The following MACROD2 variants were observed in gnomAD, a reference collection of about 807,000 sequenced individuals.
MACROD2 encodes the protein mono-ADP ribosylhydrolase 2.
A neutral mutation model predicts 70.4 loss-of-function variants in MACROD2; 36 were observed. That is an observed-to-expected ratio of 0.51 (90% CI 0.39 to 0.68). MACROD2 has a LOEUF of 0.68. Among genes scored for constraint, MACROD2 ranks in the 30% least tolerant of loss-of-function variants. The pLI is 0.00. For missense variants in MACROD2, 496 were observed against 538.4 expected (o/e 0.92, Z 0.78); for synonymous variants, 172 against 178.8 (o/e 0.96, Z 0.30).
In MACROD2 at chr20:14,226,903, G is replaced by A. The variant is rs2081742160; in HGVS notation, c.271+141175G>A. ...GCTGAGGAGTGCGGGCGCACAGCGC[G>A]GGACTGGCAGGCATCTCCACCTGCA... is the stretch of plus-strand genomic sequence containing the variant. On this transcript the variant is annotated intron_variant, in intron 3 of 17. Coordinates refer to ENST00000684519, the MANE Select transcript of MACROD2 (RefSeq NM_001351661.2). 2.6e-5 allele frequency among the ~76,000 whole-genome samples: 4 copies of A among 152,246 alleles called. No individual in the cohort carries two copies. In the South Asian group the frequency reaches 8.3e-4, roughly 31 times the overall value.
chr20:14,456,581 A>T (rs1038522621), intron 3 of MACROD2, among the ~76,000 whole-genome samples: 6 of 151,792 alleles, frequency 4.0e-5, no homozygotes, highest in Non-Finnish European at 8.8e-5. Flanking sequence ...TTAGCCCATA[A>T]AATCCAGACT....
Position 14,775,216 on chromosome 20 carries a change from G to T in MACROD2, c.418+90257G>T, listed in dbSNP as rs540992948. 2.0e-5 allele frequency among the ~76,000 whole-genome samples: 3 copies of T among 152,200 alleles called. No individual in the cohort carries two copies. The South Asian group carries it at 6.2e-4, about 32-fold the overall frequency. On this transcript the variant is annotated intron_variant, in intron 5 of 17. Coordinates refer to ENST00000684519, the MANE Select transcript of MACROD2 (RefSeq NM_001351661.2). ...TCCTTATGACAATTCTTGAATGAAG[G>T]TATTGTACACATTTATTAGCTAACG...
At chr20:14,727,366 A>C (rs2071542320) in intron 5 of MACROD2, among the ~76,000 whole-genome samples, 1 of 152,076 alleles carries the variant, frequency 6.6e-6, no homozygotes, top group Non-Finnish European at 1.5e-5. Flanking sequence ...CCCTGTCTCT[A>C]CAAAAAAATA....
intron 5 of MACROD2, among the ~76,000 whole-genome samples, chr20:14,771,688 A>T (rs1163802769): frequency 6.8e-6 from 1 of 147,130 alleles, no homozygotes; most frequent in African/African-American, 2.6e-5. Context: ...TATATATTTA[A>T]ACATATATGT....
rs1204739784 is a variant in MACROD2, at chr20:15,899,024, A to T, written c.775+13213A>T. ...TAGGTATGTGCTATCTATTGTATGT[A>T]TGTATATATATGTACACATGTATGT... is the stretch of plus-strand genomic sequence containing the variant. On this transcript the variant is annotated intron_variant, in intron 10 of 17. Transcript: ENST00000684519. 4.6e-5 allele frequency among the ~76,000 whole-genome samples: 7 copies of T among 151,804 alleles called. No homozygotes were observed. The South Asian group carries it at 8.3e-4, about 18-fold the overall frequency.
At chr20:15,926,370 T>C (rs945815159) in intron 10 of MACROD2, among the ~76,000 whole-genome samples, 3 of 152,300 alleles carry the variant, frequency 2.0e-5, no homozygotes, top group African/African-American at 7.2e-5. Context: ...GGAGAATATT[T>C]ATTGAACCCC....
chr20:14,820,648 T>C (rs559417046), intron 5 of MACROD2, among the ~76,000 whole-genome samples: 4 of 152,230 alleles, frequency 2.6e-5, no homozygotes, highest in Admixed American at 2.6e-4. Context: ...TAATCTTGTA[T>C]TGTCATTAGC....
At position 14,964,915 on chromosome 20, in the gene MACROD2, A is replaced by C. The variant is rs527473769; in HGVS notation, c.419-265025A>C. Among the ~76,000 whole-genome samples the C allele has an allele frequency of 2.6e-5, 4 of 152,270 alleles. No individual in the cohort carries two copies. The East Asian group carries it at 5.8e-4, about 22-fold the overall frequency. ...AGGCGGAATACATACAGAATGAAAAACTGTATTTGTGAAACACTTTGAAGG... is the reference window on the plus strand; with the variant it reads ...AGGCGGAATACATACAGAATGAAAACCTGTATTTGTGAAACACTTTGAAGG... On this transcript the variant is annotated intron_variant, in intron 5 of 17. Coordinates refer to ENST00000684519, the MANE Select transcript of MACROD2 (RefSeq NM_001351661.2).
intron 4 of MACROD2, among the ~76,000 whole-genome samples, chr20:14,566,247 G>A (rs1050461835): frequency 6.6e-6 from 1 of 151,880 alleles, no homozygotes; most frequent in Non-Finnish European, 1.5e-5. Flanking sequence ...AATTCCAAAT[G>A]GTCAATAAAC....
chr20:14,861,202 G>A (rs1028109863), intron 5 of MACROD2, among the ~76,000 whole-genome samples: 1 of 152,100 alleles, frequency 6.6e-6, no homozygotes, highest in Non-Finnish European at 1.5e-5. Flanking sequence ...ACTGGTGGAA[G>A]CCGTTACTAC....
chr20:14,759,194 T>A (rs2071982852), intron 5 of MACROD2, among the ~76,000 whole-genome samples: 1 of 152,158 alleles, frequency 6.6e-6, no homozygotes, highest in South Asian at 2.1e-4. Flanking sequence ...TGATATGCCA[T>A]TAGACGTATC....
chr20:15,786,282 A>G (rs1292226452), intron 8 of MACROD2, among the ~76,000 whole-genome samples: 3 of 152,112 alleles, frequency 2.0e-5, no homozygotes, highest in African/African-American at 4.8e-5. Flanking sequence ...AAGAGAAAAA[A>G]TTATATTTAA....
intron 6 of MACROD2, among the ~76,000 whole-genome samples, chr20:15,332,647 G>T (rs966475173): frequency 2.0e-5 from 3 of 151,212 alleles, no homozygotes; most frequent in African/African-American, 2.5e-5. Flanking sequence ...TTCATGAGAC[G>T]ATATATGACG....
At chr20:15,378,234 A>G (rs536370104) in intron 6 of MACROD2, among the ~76,000 whole-genome samples, 9 of 148,218 alleles carry the variant, frequency 6.1e-5, no homozygotes, top group African/African-American at 2.0e-4. Context: ...CAACCTTGGT[A>G]TGAGAAAGGC....
At chr20:14,652,681 A>G (rs557149442) in intron 4 of MACROD2, among the ~76,000 whole-genome samples, 14 of 152,296 alleles carry the variant, frequency 9.2e-5, no homozygotes, top group African/African-American at 3.4e-4. Context: ...AAAGCTGGAG[A>G]TCTTTTAAAG....
intron 3 of MACROD2, among the ~76,000 whole-genome samples, chr20:14,185,957 C>T (rs1024278412): frequency 7.7e-4 from 117 of 152,252 alleles, no homozygotes; most frequent in African/African-American, 2.8e-3. Context: ...CCTTACTTAG[C>T]TGGCTTGCTT....
chr20:15,203,070 G>T lies in MACROD2; in HGVS notation c.419-26870G>T, dbSNP rs563957028. Among the ~76,000 whole-genome samples the T allele has an allele frequency of 2.6e-5, 4 of 152,198 alleles. No homozygotes were observed. In the East Asian group the frequency reaches 7.7e-4, roughly 29 times the overall value. ...ACAATTCTTTGTTCATATTGGGATG[G>T]GAACTTGTTAATTTTTTGTTGTAGA... On this transcript the variant is annotated intron_variant, in intron 5 of 17. Coordinates refer to ENST00000684519, the MANE Select transcript of MACROD2 (RefSeq NM_001351661.2).
intron 5 of MACROD2, among the ~76,000 whole-genome samples, chr20:14,889,472 A>G (rs977095800): frequency 6.6e-6 from 1 of 152,170 alleles, no homozygotes; most frequent in Admixed American, 6.5e-5. Context: ...ATTCAATAAG[A>G]AATAGAGGGG....
chr20:14,286,199 A>G (rs563593469), intron 3 of MACROD2, among the ~76,000 whole-genome samples: 15 of 152,278 alleles, frequency 9.9e-5, no homozygotes, highest in African/African-American at 3.4e-4. Flanking sequence ...AAAATTGCAT[A>G]GCTATTCTGA....
Sources: allele counts gnomAD v4.1 joint callset (sites outside exome capture counted in the v4.1 genomes callset), GRCh38; gene constraint gnomAD v4.1.1; transcripts MANE v1.5; gene names NCBI Gene and HGNC (gene_info 2026-07-23, HGNC 2026-07-21).